Variants in UGT1A6 observed in about 807,000 individuals in gnomAD.
UGT1A6 encodes the protein UDP-glucuronosyltransferase 1A6.
In UGT1A6, 32 loss-of-function variants were observed where a neutral mutation model predicts 44.4. The ratio of observed to expected loss-of-function variants is 0.72; its 90% confidence interval spans 0.54 to 0.97. The LOEUF (loss-of-function observed/expected upper bound fraction) is 0.97. UGT1A6 is among the 50% of genes least tolerant of loss of function. UGT1A6 has a pLI of 0.00. For missense variants in UGT1A6, 685 were observed against 661.9 expected, an observed-to-expected ratio of 1.03 and a Z score of -0.38; for synonymous variants, 238 against 248.5, an observed-to-expected ratio of 0.96 and a Z score of 0.40.
chr2:233,727,683 T>C (rs2077639465), intron 1 of UGT1A6, among the ~76,000 whole-genome samples: 1 of 152,204 alleles, frequency 6.6e-6, no homozygotes, highest in Admixed American at 6.5e-5. Flanking sequence ...TTCCCAGGAA[T>C]CATCCTCTAC....
intron 1 of UGT1A6, among the ~76,000 whole-genome samples, chr2:233,765,971 T>A (rs950382144): frequency 6.6e-6 from 1 of 152,072 alleles, no homozygotes; most frequent in African/African-American, 2.4e-5. Context: ...TAGAGGTGGA[T>A]GTTTACAGCT....
At chr2:233,710,646 T>C (rs1403347719) in intron 1 of UGT1A6, among the ~76,000 whole-genome samples, 1 of 152,250 alleles carries the variant, frequency 6.6e-6, no homozygotes, top group Non-Finnish European at 1.5e-5. Context: ...TTACATATTC[T>C]GGATACAAGT....
At position 233,769,418 on chromosome 2, in the gene UGT1A6, C is replaced by T; in HGVS notation, c.1301+979C>T. The T allele has an allele frequency of 1.4e-6, 2 of 1,431,096 alleles. No individual in the cohort carries two copies. The highest frequency in any genetic ancestry group is 1.9e-6 in the Non-Finnish European group (2 of 1,028,754). The allele number at this position is 1,431,096 out of a possible 1,614,324, so 88.6% of individuals were successfully genotyped here. ...GTGCATATGTGCGTGTGCGTTTGTG[C>T]ATGTGGCTGTGCTCATGTGTGGGTG... On this transcript the variant is annotated intron_variant, in intron 4 of 4. Transcript: ENST00000305139. The surrounding 1 kb of genome is among the most constrained non-coding windows in gnomAD (Gnocchi z 4.4).
intron 1 of UGT1A6, among the ~76,000 whole-genome samples, chr2:233,734,301 T>TATATACGTATAAATACG (rs2078508917): frequency 6.6e-6 from 1 of 152,170 alleles, no homozygotes; most frequent in Non-Finnish European, 1.5e-5. Context: ...GATTTTCTAG[T>TATATACGTATAAATACG]TTATTTGTGT....
chr2:233,755,070 C>T (rs1695739797), intron 1 of UGT1A6: 5 of 1,336,550 alleles, frequency 3.7e-6, no homozygotes, highest in South Asian at 1.1e-5. Context: ...CTCGCCATAG[C>T]GGTCATAGAT....
At chr2:233,708,407 T>G (rs2076017107) in intron 1 of UGT1A6, 1 of 152,202 alleles carries the variant, frequency 6.6e-6, no homozygotes, top group South Asian at 2.1e-4. Context: ...TTCATCAAGT[T>G]GTTTCACCAG....
chr2:233,756,159 C>T (rs1012245411), intron 1 of UGT1A6: 2 of 152,210 alleles, frequency 1.3e-5, no homozygotes, highest in Non-Finnish European at 2.9e-5. Context: ...CCTAGGATTT[C>T]CTGGCTCATA....
At chr2:233,735,872 G>A (rs1314533195) in intron 1 of UGT1A6, among the ~76,000 whole-genome samples, 1 of 152,196 alleles carries the variant, frequency 6.6e-6, no homozygotes, top group African/African-American at 2.4e-5. Context: ...TTTCTGCAGA[G>A]AGATCTGCTG....
At chr2:233,730,660 G>A (rs979166401) in intron 1 of UGT1A6, among the ~76,000 whole-genome samples, 21 of 152,010 alleles carry the variant, frequency 1.4e-4, no homozygotes, top group African/African-American at 5.1e-4. Flanking sequence ...CTCAGAGTTC[G>A]GAAGGCAAAG....
At chr2:233,700,539 G>A (rs1353937482) in intron 1 of UGT1A6, among the ~76,000 whole-genome samples, 1 of 152,120 alleles carries the variant, frequency 6.6e-6, no homozygotes, top group East Asian at 1.9e-4. Flanking sequence ...CTAGGAGAAT[G>A]AGAATAAGGG....
upstream of UGT1A6, chr2:233,692,130 A>G (rs981265749): frequency 6.6e-6 from 1 of 152,188 alleles, no homozygotes; most frequent in Non-Finnish European, 1.5e-5. Context: ...CATGCCTACT[A>G]TGTATGGAAG....
intron 1 of UGT1A6, among the ~76,000 whole-genome samples, chr2:233,698,082 T>A (rs1434328705): frequency 6.6e-6 from 1 of 152,220 alleles, no homozygotes; most frequent in Non-Finnish European, 1.5e-5. Context: ...CTCTAATGAA[T>A]GTACTTTTTG....
rs76915905 is a variant in UGT1A6, at chr2:233,721,524, C to T, written c.861+27659C>T. The T allele has an allele frequency of 8.1e-3, 1,365 of 167,890 alleles. 11 individuals carry two copies. The highest frequency in any genetic ancestry group is 0.011 in the Non-Finnish European group (835 of 78,422). 10.4% of individuals were successfully genotyped at this position (167,890 alleles called of 1,614,324 possible). A position where few individuals can be genotyped will look rare whatever the true frequency, so the allele number is the denominator to read the frequency against. ...GCATTTATTTTATGCTGAATTTCTT[C>T]CAGAGCCATAGGTAAATTTTTTCTT... On this transcript the variant is annotated intron_variant, in intron 1 of 4. Coordinates refer to ENST00000305139, the MANE Select transcript of UGT1A6 (RefSeq NM_001072.4).
intron 1 of UGT1A6, among the ~76,000 whole-genome samples, chr2:233,734,104 A>T (rs1173344990): frequency 6.6e-6 from 1 of 151,308 alleles, no homozygotes; most frequent in African/African-American, 2.4e-5. Context: ...CTTAAAGTAT[A>T]ATAATAATAA....
intron 1 of UGT1A6, chr2:233,747,256 G>T: frequency 6.2e-7 from 1 of 1,600,772 alleles, no homozygotes; most frequent in Non-Finnish European, 8.5e-7. Flanking sequence ...GCTGGCCACA[G>T]GAGTGCTACT....
intron 1 of UGT1A6, chr2:233,755,013 G>A (rs1255177181): frequency 7.7e-7 from 1 of 1,294,530 alleles, no homozygotes; most frequent in Admixed American, 1.9e-5. Flanking sequence ...CTACTCGAAG[G>A]GGTCCTTGAA....
At chr2:233,713,410 AC>A in intron 1 of UGT1A6, 1 of 1,614,174 alleles carries the variant, frequency 6.2e-7, no homozygotes, top group Non-Finnish European at 8.5e-7. Context: ...CTGATCAGGC[AC>A]CTGCATGCTA....
At chr2:233,763,477 G>T (rs553290095) in intron 1 of UGT1A6, among the ~76,000 whole-genome samples, 67 of 152,208 alleles carry the variant, frequency 4.4e-4, no homozygotes, top group South Asian at 2.7e-3. Context: ...TAATAGATTT[G>T]ATTGTAACTC....
At chr2:233,732,721 G>C (rs2078305544) in intron 1 of UGT1A6, among the ~76,000 whole-genome samples, 1 of 147,538 alleles carries the variant, frequency 6.8e-6, no homozygotes, top group South Asian at 2.1e-4. Context: ...TTGTAGTACA[G>C]TTTGAAGTCA....
Sources: allele counts gnomAD v4.1 joint callset (sites outside exome capture counted in the v4.1 genomes callset), GRCh38; gene constraint gnomAD v4.1.1; non-coding constraint Gnocchi (gnomAD v3.1); transcripts MANE v1.5; gene names NCBI Gene and HGNC (gene_info 2026-07-23, HGNC 2026-07-21).